Variants in GPALPP1 observed in about 807,000 individuals in gnomAD.
GPALPP1 encodes GPALPP motifs-containing protein 1.
In GPALPP1, 30 loss-of-function variants were observed where a neutral mutation model predicts 38.9. That is an observed-to-expected ratio of 0.77 (90% CI 0.58 to 1.05). The LOEUF is 1.05. GPALPP1 is among the 50% of genes least tolerant of loss of function. The pLI is 0.00. For synonymous variants in GPALPP1, 120 were observed against 139.2 expected, an observed-to-expected ratio of 0.86 and a Z score of 0.97; for missense variants, 384 against 408.8, an observed-to-expected ratio of 0.94 and a Z score of 0.52.
intron 1 of GPALPP1, among the ~76,000 whole-genome samples, chr13:44,999,158 T>C (rs974641552): frequency 1.3e-4 from 20 of 152,342 alleles, no homozygotes; most frequent in African/African-American, 4.8e-4. Flanking sequence ...GGAGTAACAT[T>C]TCATTTCATC....
Sources: allele counts gnomAD v4.1 joint callset (sites outside exome capture counted in the v4.1 genomes callset), GRCh38; gene constraint gnomAD v4.1.1; transcripts MANE v1.5; gene names NCBI Gene and HGNC (gene_info 2026-07-23, HGNC 2026-07-21).